The following LRRC7 variants were observed in gnomAD, a reference collection of about 807,000 sequenced individuals.
LRRC7 encodes the protein leucine-rich repeat-containing protein 7.
A neutral mutation model predicts 175.7 loss-of-function variants in LRRC7; 23 were observed. The observed-to-expected ratio is 0.13, with a 90% CI of 0.09 to 0.19. The LOEUF (loss-of-function observed/expected upper bound fraction) is 0.19, where lower values mean the gene tolerates loss of function less well. Among genes scored for constraint, LRRC7 ranks in the 10% least tolerant of loss-of-function variants. The probability of loss-of-function intolerance (pLI) is 1.00; values close to 1 mark genes in which losing one functional copy is unlikely to be tolerated. For missense variants in LRRC7, 1,354 were observed against 1,904.7 expected (o/e 0.71, Z 5.38); for synonymous variants, 685 against 680.9 (o/e 1.01, Z -0.09).
At position 70,039,782 on chromosome 1, in the gene LRRC7, C is replaced by A; in HGVS notation, c.3958C>A (p.Arg1320=). 1.3e-6 allele frequency: 2 copies of A among 1,593,468 alleles called. No individual in the cohort carries two copies. The highest frequency in any genetic ancestry group is 1.7e-6 in the Non-Finnish European group (2 of 1,172,032). Residue 1320 remains arginine, a synonymous_variant, in exon 21 of 27, where the codon CGG becomes AGG. Transcript: ENST00000651989. ...GCTGCTTAGACATATAGAAGCTAGACGGTTAGACAGGGTATGTCTGGTGTT... is the reference window on the plus strand; with the variant it reads ...GCTGCTTAGACATATAGAAGCTAGAAGGTTAGACAGGGTATGTCTGGTGTT... ...QQLLRHIEAR[R]LDRNAAYKHN...
intron 1 of LRRC7, among the ~76,000 whole-genome samples, chr1:69,655,185 G>A (rs75494952): frequency 0.061 from 9,350 of 152,092 alleles, 316 homozygotes; most frequent in South Asian, 0.1. Context: ...AACCTTACAG[G>A]TATGGTTGAA....
rs1252591859 is a variant in LRRC7 at position 70,135,881 on chromosome 1, C to G, written c.*13994C>G. Among the ~76,000 whole-genome samples the G allele has an allele frequency of 6.6e-6, 1 of 152,184 alleles. No individual in the cohort carries two copies. The highest frequency in any genetic ancestry group is 2.4e-5 in the African/African-American group (1 of 41,460). ...AATCGTTTGACTAAGCAACGGGTAT[C>G]TTGCACTTGATAGGTTCTCACAGTC... On this transcript the variant is annotated 3_prime_UTR_variant, in exon 27 of 27. Transcript: ENST00000651989.
chr1:69,935,937 A>G (rs1336295400), intron 8 of LRRC7, among the ~76,000 whole-genome samples: 3 of 152,132 alleles, frequency 2.0e-5, no homozygotes, highest in African/African-American at 4.8e-5. Context: ...AAACGTTTGA[A>G]GGTTTAATTT....
intron 2 of LRRC7, among the ~76,000 whole-genome samples, chr1:69,717,830 G>GAAAT (rs1321787841): frequency 3.5e-5 from 1 of 28,328 alleles, no homozygotes; most frequent in African/African-American, 2.0e-4. Flanking sequence ...AAGAAAGAAA[G>GAAAT]AAAGAAAGAA....
At chr1:69,645,477 C>A (rs575512229) in intron 1 of LRRC7, among the ~76,000 whole-genome samples, 1 of 151,916 alleles carries the variant, frequency 6.6e-6, no homozygotes, top group Non-Finnish European at 1.5e-5. Context: ...AGACACTTGA[C>A]CTCCTAAATT....
chr1:69,998,597 G>T (rs1408887348), intron 11 of LRRC7, among the ~76,000 whole-genome samples: 1 of 84,220 alleles, frequency 1.2e-5, no homozygotes, highest in East Asian at 3.3e-4. Context: ...TTCTTCTTTG[G>T]GTCAATACTC....
chr1:69,579,371 T>TA (rs1646099858), intron 1 of LRRC7, among the ~76,000 whole-genome samples: 1 of 152,064 alleles, frequency 6.6e-6, no homozygotes, highest in South Asian at 2.1e-4. Flanking sequence ...TTTTAAAAAA[T>TA]AAAAAAGGTT....
At chr1:69,619,940 T>C (rs1402837360) in intron 1 of LRRC7, among the ~76,000 whole-genome samples, 1 of 134,898 alleles carries the variant, frequency 7.4e-6, no homozygotes, top group African/African-American at 2.7e-5. Context: ...GATTTTAATA[T>C]AACAATATAA....
chr1:70,035,997 G>A (rs779562298), intron 18 of LRRC7, 124 bp from the exon 19 acceptor site: 75 of 658,358 alleles, frequency 1.1e-4, no homozygotes, highest in East Asian at 5.9e-4. Context: ...TTCTCCCAGT[G>A]CCTCACAGTG....
chr1:69,697,115 T>C (rs1022166759), intron 2 of LRRC7, among the ~76,000 whole-genome samples: 2 of 152,216 alleles, frequency 1.3e-5, no homozygotes, highest in East Asian at 3.9e-4. Flanking sequence ...ATTTGTCTCA[T>C]AAAATCTCTA....
Position 69,678,208 on chromosome 1 carries a change from C to T in LRRC7, c.3-173C>T, listed in dbSNP as rs377020332. Among the ~76,000 whole-genome samples, 9 of 152,112 alleles carry T rather than the reference C, an allele frequency of 5.9e-5. No homozygotes were observed. In the East Asian group the frequency reaches 1.7e-3, roughly 29 times the overall value. ...ATTGGGATGCTGGAAAAGTCAAGCA[C>T]TCTTCAATTTACTATGGTCCCCGAT... On this transcript the variant is annotated intron_variant, in intron 1 of 26. Coordinates refer to ENST00000651989, the MANE Select transcript of LRRC7 (RefSeq NM_001370785.2).
chr1:69,830,236 T>A (rs1280734170), intron 5 of LRRC7, among the ~76,000 whole-genome samples: 1 of 151,836 alleles, frequency 6.6e-6, no homozygotes, highest in Non-Finnish European at 1.5e-5. Context: ...AAGAAATTAC[T>A]AGTAAATTAC....
At chr1:69,976,038 T>C (rs1652783015) in intron 8 of LRRC7, among the ~76,000 whole-genome samples, 1 of 152,190 alleles carries the variant, frequency 6.6e-6, no homozygotes, top group Non-Finnish European at 1.5e-5. Context: ...GCTTTACAAA[T>C]AATATTCTAC....
At chr1:69,744,690 C>A (rs1361801826) in intron 2 of LRRC7, among the ~76,000 whole-genome samples, 3 of 151,736 alleles carry the variant, frequency 2.0e-5, no homozygotes, top group Non-Finnish European at 4.4e-5. Context: ...TGTAAATATT[C>A]TTGATCTAAG....
rs181562682 is a variant in LRRC7, at chr1:69,834,059, T to C, written c.501-721T>C. ...TCCTCTGAATATGTCTCCTGAGAAA[T>C]CCTTGAGTTAAATCTTTTTACATTT... On this transcript the variant is annotated intron_variant, in intron 5 of 26. Transcript: ENST00000651989. Among the ~76,000 whole-genome samples, 744 of 152,262 alleles carry C rather than the reference T, an allele frequency of 4.9e-3. 4 individuals carry two copies. The highest frequency in any genetic ancestry group is 0.037 in the Middle Eastern group (11 of 294).
At chr1:69,985,236 T>C (rs1435299829) in intron 9 of LRRC7, among the ~76,000 whole-genome samples, 1 of 152,218 alleles carries the variant, frequency 6.6e-6, no homozygotes, top group South Asian at 2.1e-4. Flanking sequence ...AGCTGTCTTA[T>C]TCTTGATTGT....
Position 70,076,223 on chromosome 1 carries a change from C to T in LRRC7, c.4377C>T (p.Ala1459=), listed in dbSNP as rs376955858. Reference sequence around the variant, plus strand: ...CTATTCAGATCCCCTCTTCACAGGCCACCCGGGGACCTCAGCCTGGACGGT... The same window carrying T: ...CTATTCAGATCCCCTCTTCACAGGCTACCCGGGGACCTCAGCCTGGACGGT... The part of the protein sequence containing the change: ...PLPIQIPSSQ[A]TRGPQPGRCL... Residue 1459 remains alanine (A), a synonymous_variant, in exon 24 of 27, where the codon GCC becomes GCT. Transcript: ENST00000651989. 5 of 1,613,934 alleles carry T rather than the reference C, an allele frequency of 3.1e-6. No individual in the cohort carries two copies. Among genetic ancestry groups the T allele is most frequent in the African/African-American group, 1.3e-5 (1 of 74,914 alleles).
rs1441566815 is a variant in LRRC7 at position 69,667,170 on chromosome 1, C to T, written c.3-11211C>T. ...TATTCCCTTGTGGTCAGAGAAGGTG[C>T]TTAATATTATTTCACATTTTTTGAA... On this transcript the variant is annotated intron_variant, in intron 1 of 26. Transcript: ENST00000651989. 2.6e-5 allele frequency among the ~76,000 whole-genome samples: 4 copies of T among 152,058 alleles called. No individual in the cohort carries two copies. In the East Asian group the frequency reaches 7.7e-4, roughly 29 times the overall value.
Position 70,122,366 on chromosome 1 carries a change from A to G in LRRC7, c.*479A>G, listed in dbSNP as rs1274763340. The stretch of plus-strand genomic sequence containing the variant: ...ATATACAAAAAGAATATAGAGAAAA[A>G]CAATATTTTCATAAACTAAACATCT... On this transcript the variant is annotated 3_prime_UTR_variant, in exon 27 of 27. Transcript: ENST00000651989. The G allele has an allele frequency of 2.0e-5, 3 of 152,260 alleles. No homozygotes were observed. The highest frequency in any genetic ancestry group is 7.2e-5 in the African/African-American group (3 of 41,450). The allele number at this position is 152,260 out of a possible 1,614,324, so 9.4% of individuals were successfully genotyped here.
Sources: allele counts gnomAD v4.1 joint callset (sites outside exome capture counted in the v4.1 genomes callset), GRCh38; gene constraint gnomAD v4.1.1; transcripts MANE v1.5; gene names NCBI Gene and HGNC (gene_info 2026-07-23, HGNC 2026-07-21).